Variants in PLSCR4 observed in about 807,000 individuals in gnomAD.
PLSCR4 encodes Ca(2+)-dependent phospholipid scramblase 4.
Under a neutral mutation model 36.3 loss-of-function variants are expected in PLSCR4, and 25 were observed. That is an observed-to-expected ratio of 0.69 (90% CI 0.50 to 0.96). PLSCR4 has a LOEUF of 0.96. Ranked by LOEUF, PLSCR4 falls within the 40% of genes least tolerant of loss-of-function variation. PLSCR4 has a pLI of 0.00. For synonymous variants in PLSCR4, 122 were observed against 132.9 expected (o/e 0.92, Z 0.56); for missense variants, 408 against 414.7 (o/e 0.98, Z 0.14).
intron 1 of PLSCR4, chr3:146,223,825 TATATAA>T (rs2035295158): frequency 1.4e-5 from 2 of 145,178 alleles, no homozygotes; most frequent in African/African-American, 2.5e-5. Flanking sequence ...TATTTACTTT[TATATAA>T]TATATATTAT....
intron 3 of PLSCR4, among the ~76,000 whole-genome samples, chr3:146,220,391 T>TCATGCATGCC (rs1171169530): frequency 1.3e-5 from 2 of 152,160 alleles, no homozygotes; most frequent in East Asian, 3.9e-4. Context: ...ATACCAGATT[T>TCATGCATGCC]TCATGACCCT....
Position 146,195,262 on chromosome 3 carries a change from T to C in PLSCR4, c.807A>G (p.Ile269Met), listed in dbSNP as rs1489229971. Residue 269 changes from isoleucine to methionine, a missense_variant, in exon 8 of 9, where the codon ATA becomes ATG. By Grantham distance (10) the Ile-to-Met change is conservative. Coordinates refer to ENST00000354952, the MANE Select transcript of PLSCR4 (RefSeq NM_020353.3). ...TCCGGATAATACTGCCGATGTTGGA[T>C]ATGCCATCAAGGGATTTGACCTGGA... The part of the protein sequence containing the change: ...SVFEVKSLDG[I>M]SNIGSIIRKW... 2 of 1,613,650 alleles carry C rather than the reference T, an allele frequency of 1.2e-6. No individual in the cohort carries two copies. Among genetic ancestry groups the C allele is most frequent in the Non-Finnish European group, 1.7e-6 (2 of 1,179,626 alleles).
intron 1 of PLSCR4, among the ~76,000 whole-genome samples, chr3:146,229,591 TC>T (rs367689865): frequency 0.12 from 16,602 of 140,558 alleles, 1,362 homozygotes; most frequent in African/African-American, 0.22. Context: ...ATTTTATTTT[TC>T]ATTTATTTAT....
At chr3:146,241,608 CA>C (rs141705345) in intron 1 of PLSCR4, among the ~76,000 whole-genome samples, 2,557 of 152,104 alleles carry the variant, frequency 0.017, 78 homozygotes, top group African/African-American at 0.058. Context: ...TAGTAATCTA[CA>C]AGAACAAGCA....
intron 1 of PLSCR4, among the ~76,000 whole-genome samples, chr3:146,225,632 A>G (rs1313339682): frequency 6.6e-6 from 1 of 152,156 alleles, no homozygotes; most frequent in African/African-American, 2.4e-5. Context: ...GTGGGCTGGC[A>G]CTGCTGGAGG....
At chr3:146,224,023 A>G (rs1443667619) in intron 1 of PLSCR4, among the ~76,000 whole-genome samples, 1 of 151,038 alleles carries the variant, frequency 6.6e-6, no homozygotes, top group Non-Finnish European at 1.5e-5. Context: ...CTGGGCCAGT[A>G]AAAGGAGTTC....
At chr3:146,218,324 A>AG (rs2034982230) in intron 3 of PLSCR4, among the ~76,000 whole-genome samples, 1 of 151,976 alleles carries the variant, frequency 6.6e-6, no homozygotes. Context: ...CATATGAATT[A>AG]TCTCAAGAAT....
At chr3:146,231,777 T>C (rs2035726000) in intron 1 of PLSCR4, among the ~76,000 whole-genome samples, 1 of 152,154 alleles carries the variant, frequency 6.6e-6, no homozygotes, top group Non-Finnish European at 1.5e-5. Flanking sequence ...AGATGTGCAG[T>C]TTGTATATTT....
At chr3:146,212,066 C>G (rs545790256) in intron 3 of PLSCR4, among the ~76,000 whole-genome samples, 271 of 152,062 alleles carry the variant, frequency 1.8e-3, no homozygotes, top group African/African-American at 6.4e-3. Flanking sequence ...AATAGCCTGT[C>G]AATTTAAAAA....
intron 1 of PLSCR4, among the ~76,000 whole-genome samples, chr3:146,244,905 T>C (rs11926040): frequency 0.35 from 52,840 of 151,900 alleles, 10,940 homozygotes; most frequent in Non-Finnish European, 0.47. Flanking sequence ...GCAACGTAAA[T>C]TGAAAACTTT....
At chr3:146,232,419 A>G (rs1293193082) in intron 1 of PLSCR4, among the ~76,000 whole-genome samples, 1 of 152,116 alleles carries the variant, frequency 6.6e-6, no homozygotes, top group East Asian at 1.9e-4. Context: ...GAATCTGTAC[A>G]TTGCTTTGGG....
Position 146,214,135 on chromosome 3 carries a change from T to TCTTTAGCTCATATG in PLSCR4, c.118+6679_118+6680insCATATGAGCTAAAG, listed in dbSNP as rs1378535178. 8.5e-3 allele frequency among the ~76,000 whole-genome samples: 390 copies of TCTTTAGCTCATATG among 45,766 alleles called. 75 individuals carry two copies. The highest frequency in any genetic ancestry group is 0.01 in the Non-Finnish European group (195 of 18,970). The allele number at this position is 45,766 out of a possible 152,430, so 30.0% of individuals were successfully genotyped here. Reference sequence around the variant, plus strand: ...TATCTTCCTTTTTTTTTTTTTTTTTTTTTTGAGACGGAGTCTCGCTCTGTC... The same window carrying TCTTTAGCTCATATG: ...TATCTTCCTTTTTTTTTTTTTTTTTTCTTTAGCTCATATGTTTTGAGACGGAGTCTCGCTCTGTC... On this transcript the variant is annotated intron_variant, in intron 3 of 8. Transcript: ENST00000354952.
intron 1 of PLSCR4, among the ~76,000 whole-genome samples, chr3:146,247,050 C>G (rs908351741): frequency 6.6e-6 from 1 of 151,936 alleles, no homozygotes; most frequent in Non-Finnish European, 1.5e-5. Flanking sequence ...GTGTCTTTTT[C>G]TTTTCATTTA....
At chr3:146,196,528 G>GTTA (rs2033751456) in intron 7 of PLSCR4, 104 bp downstream of exon 7, 1 of 1,031,108 alleles carries the variant, frequency 9.7e-7, no homozygotes, top group Non-Finnish European at 1.5e-6. Flanking sequence ...CTAACACTAT[G>GTTA]TTATTCATTC....
chr3:146,220,497 C>T (rs922207810), intron 3 of PLSCR4, among the ~76,000 whole-genome samples: 2 of 152,150 alleles, frequency 1.3e-5, no homozygotes, highest in African/African-American at 4.8e-5. Context: ...ACTTGACCTC[C>T]TTAGTCAGGG....
intron 3 of PLSCR4, among the ~76,000 whole-genome samples, chr3:146,213,333 C>CTTTTT (rs2034720581): frequency 9.9e-6 from 1 of 101,050 alleles, no homozygotes; most frequent in Non-Finnish European, 2.3e-5. Context: ...AGTAAAATTT[C>CTTTTT]CTTTTTTTTT....
intron 1 of PLSCR4, among the ~76,000 whole-genome samples, chr3:146,226,338 TCTAA>T (rs1439270852): frequency 6.6e-6 from 1 of 152,218 alleles, no homozygotes; most frequent in Admixed American, 6.5e-5. Flanking sequence ...GTGACCTTCT[TCTAA>T]CTAATGGTCT....
chr3:146,220,632 T>G (rs1055774153), intron 3 of PLSCR4, among the ~76,000 whole-genome samples, 183 bp downstream of exon 3: 1 of 152,222 alleles, frequency 6.6e-6, no homozygotes, highest in African/African-American at 2.4e-5. Flanking sequence ...TAAAAGCCTG[T>G]AAATCCTATG....
At chr3:146,242,476 T>C (rs2036192162) in intron 1 of PLSCR4, among the ~76,000 whole-genome samples, 1 of 126,986 alleles carries the variant, frequency 7.9e-6, no homozygotes, top group Admixed American at 7.9e-5. Flanking sequence ...TGATTTGAGC[T>C]GAGTTTGAGC....
Sources: gnomAD v4.1 joint callset for allele counts (sites outside exome capture counted in the v4.1 genomes callset) on GRCh38, gnomAD v4.1.1 for gene constraint, MANE v1.5 for transcripts, NCBI Gene and HGNC (gene_info 2026-07-23, HGNC 2026-07-21) for gene names.